ULK2: variants seen among roughly 807,000 people sequenced by gnomAD.
ULK2 encodes serine/threonine-protein kinase ULK2.
In ULK2, 76 loss-of-function variants were observed where a neutral mutation model predicts 127.5. The ratio of observed to expected loss-of-function variants is 0.60; its 90% CI spans 0.50 to 0.72. The LOEUF (loss-of-function observed/expected upper bound fraction) is 0.72. Ranked by LOEUF, ULK2 falls within the 30% of genes least tolerant of loss-of-function variation. The pLI, the probability that ULK2 is intolerant of heterozygous loss-of-function variation, is 0.00. For synonymous variants in ULK2, 452 were observed against 461.9 expected (o/e 0.98, Z 0.28); for missense variants, 1,144 against 1,295.9 (o/e 0.88, Z 1.80).
At chr17:19,783,086 G>C (rs556449900) in intron 22 of ULK2, among the ~76,000 whole-genome samples, 2 of 152,302 alleles carry the variant, frequency 1.3e-5, no homozygotes, top group South Asian at 4.1e-4. Flanking sequence ...AGTGACAGGA[G>C]AATAAGCCAA....
At chr17:19,780,002 C>T (rs963528907) in intron 25 of ULK2, among the ~76,000 whole-genome samples, 3 of 151,730 alleles carry the variant, frequency 2.0e-5, no homozygotes, top group Non-Finnish European at 4.4e-5. Context: ...GGCAAAACCC[C>T]ATCTCTACTA....
intron 13 of ULK2, among the ~76,000 whole-genome samples, chr17:19,814,240 A>G (rs1597751669): frequency 2.0e-5 from 3 of 150,552 alleles, no homozygotes; most frequent in East Asian, 1.9e-4. Flanking sequence ...TTAAATGTGG[A>G]AAAAAAAATC....
Position 19,867,585 on chromosome 17 carries a change from G to T in ULK2, c.-168C>A, listed in dbSNP as rs1222050023. On this transcript the variant is annotated 5_prime_UTR_variant, in exon 1 of 27. Coordinates refer to ENST00000395544, the MANE Select transcript of ULK2 (RefSeq NM_014683.4). The stretch of plus-strand genomic sequence containing the variant: ...TGCCGAGAGACCGGAGCGGAAACTG[G>T]GGAAGCTGCCGCGCGGAGCCAGGGT... 2 of 333,506 alleles carry T rather than the reference G, an allele frequency of 6.0e-6. No individual in the cohort carries two copies. The highest frequency in any genetic ancestry group is 5.4e-5 in the East Asian group (1 of 18,436). The allele number at this position is 333,506 out of a possible 1,614,324, so 20.7% of individuals were successfully genotyped here. A position where few individuals can be genotyped will look rare whatever the true frequency, so the allele number is the denominator to read the frequency against.
chr17:19,799,870 A>G (rs2087358602), intron 16 of ULK2, among the ~76,000 whole-genome samples: 1 of 152,204 alleles, frequency 6.6e-6, no homozygotes. Context: ...GGTAAGCACA[A>G]AGAGTTTGTA....
At chr17:19,846,933 A>C (rs748349856) in intron 5 of ULK2, 23 bp from the exon 6 acceptor site, 5 of 1,585,856 alleles carry the variant, frequency 3.2e-6, no homozygotes, top group Non-Finnish European at 4.3e-6. Flanking sequence ...GAGTCACGTA[A>C]ATATTTAAGC....
Position 19,774,717 on chromosome 17 carries a change from A to G in ULK2, c.*1632T>C, listed in dbSNP as rs573712308. ...AAGGAAGTACCTGGCTCAACAAGCC[A>G]CTTAATATGTACCCAGCTACACCCT... On this transcript the variant is annotated 3_prime_UTR_variant, in exon 27 of 27. Transcript: ENST00000395544. 5 of 152,444 alleles carry G rather than the reference A, an allele frequency of 3.3e-5. No homozygotes were observed. The highest frequency in any genetic ancestry group is 1.2e-4 in the African/African-American group (5 of 41,458). The allele number at this position is 152,444 out of a possible 1,614,324, so 9.4% of individuals were successfully genotyped here.
chr17:19,843,192 C>T lies in ULK2; in HGVS notation c.574G>A (p.Asp192Asn), dbSNP rs773348763. Reference protein sequence around the residue: ...APEVIMSQHYDAKADLWSIGT... With the variant: ...APEVIMSQHYNAKADLWSIGT... ...ATGCTCCACAAGTCAGCCTTAGCAT[C>T]ATAATGTTGAGACATAATAACCTCA... The change falls in exon 8 of 27, where the codon GAT becomes AAT. Residue 192 changes from aspartate to asparagine, a missense_variant. Physicochemically the swap from Asp to Asn is conservative, Grantham distance 23. Coordinates refer to ENST00000395544, the MANE Select transcript of ULK2 (RefSeq NM_014683.4). The T allele has an allele frequency of 6.3e-7, 1 of 1,590,554 alleles. No individual in the cohort carries two copies. The highest frequency in any genetic ancestry group is 8.5e-7 in the Non-Finnish European group (1 of 1,173,518).
chr17:19,867,204 C>T (rs965904160), intron 1 of ULK2, 124 bp downstream of exon 1: 1 of 690,082 alleles, frequency 1.4e-6, no homozygotes, highest in Non-Finnish European at 2.2e-6. Context: ...GGGCTGCGCG[C>T]ACAATAGCAT....
intron 13 of ULK2, among the ~76,000 whole-genome samples, chr17:19,810,728 C>A (rs866554747): frequency 1.3e-4 from 20 of 152,294 alleles, no homozygotes; most frequent in African/African-American, 4.8e-4. Context: ...ATTAAACATG[C>A]AAAAACTGTG....
At chr17:19,794,123 G>A (rs1271069533) in intron 20 of ULK2, among the ~76,000 whole-genome samples, 2 of 152,080 alleles carry the variant, frequency 1.3e-5, no homozygotes, top group African/African-American at 2.4e-5. Context: ...GAAAGAATCA[G>A]TGAGATTGAA....
At chr17:19,791,844 C>CAAAAAA (rs58434256) in intron 20 of ULK2, among the ~76,000 whole-genome samples, 3 of 48,244 alleles carry the variant, frequency 6.2e-5, no homozygotes, top group Admixed American at 2.8e-4. Context: ...ACCCTGTTTA[C>CAAAAAA]AAAAAAAAAA....
intron 10 of ULK2, 25 bp from the exon 11 acceptor site, chr17:19,826,211 C>T: frequency 1.4e-6 from 2 of 1,379,572 alleles, no homozygotes; most frequent in Non-Finnish European, 1.9e-6. Context: ...GAGAATGCAA[C>T]CTTTAAAGAG....
chr17:19,797,339 C>A, intron 18 of ULK2, 57 bp downstream of exon 18: 1 of 1,486,506 alleles, frequency 6.7e-7, no homozygotes, highest in Non-Finnish European at 9.0e-7. Context: ...CATAATGAAT[C>A]CTTTCCATAA....
chr17:19,781,997 G>A lies in ULK2; in HGVS notation c.2531C>T (p.Thr844Ile). 1.9e-6 allele frequency: 3 copies of A among 1,614,234 alleles called. No individual in the cohort carries two copies. The highest frequency in any genetic ancestry group is 2.2e-5 in the South Asian group (2 of 91,082). Residue 844 changes from threonine (T) to isoleucine (I), a missense_variant, in exon 23 of 27, where the codon ACA (threonine) becomes ATA (isoleucine). Around this residue, in one of 2 missense-constraint regions of ULK2, gnomAD observed 913 missense variants for 970.5 expected, o/e 0.94. Coordinates refer to ENST00000395544, the MANE Select transcript of ULK2 (RefSeq NM_014683.4). Reference protein sequence around the residue: ...LMFTECVLDLTAMRGGNPELC... With the variant: ...LMFTECVLDLIAMRGGNPELC... Reference sequence around the variant, plus strand: ...CTCAGGGTTTCCTCCCCTCATGGCTGTCAGGTCCAGCACACACTCAGTGAA... The same window carrying A: ...CTCAGGGTTTCCTCCCCTCATGGCTATCAGGTCCAGCACACACTCAGTGAA...
At position 19,796,012 on chromosome 17, in the gene ULK2, A is replaced by G. The variant is rs903126525; in HGVS notation, c.1997+83T>C. 4 of 1,517,286 alleles carry G rather than the reference A, an allele frequency of 2.6e-6. No homozygotes were observed. In the African/African-American group the frequency reaches 4.2e-5, roughly 16 times the overall value. The allele number at this position is 1,517,286 out of a possible 1,614,324, so 94.0% of individuals were successfully genotyped here. On this transcript the variant is annotated intron_variant, in intron 19 of 26. Transcript: ENST00000395544. ...CATAAATCACCCGCTACACTAATGTAGTCTTGCTGCTTTTATAACAGAAAT... is the reference window on the plus strand; with the variant it reads ...CATAAATCACCCGCTACACTAATGTGGTCTTGCTGCTTTTATAACAGAAAT...
chr17:19,848,126 A>T (rs1270290820), intron 5 of ULK2: 4 of 152,208 alleles, frequency 2.6e-5, no homozygotes, highest in Non-Finnish European at 4.4e-5. Context: ...AGATTAGCAA[A>T]AAATATTTAT....
At chr17:19,866,464 C>CGCCACGGCACTCCA (rs1013744299) in intron 1 of ULK2, among the ~76,000 whole-genome samples, 4 of 152,224 alleles carry the variant, frequency 2.6e-5, no homozygotes, top group African/African-American at 9.6e-5. Flanking sequence ...GCGGAGATCT[C>CGCCACGGCACTCCA]GCCACGGCAC....
Position 19,867,375 on chromosome 17 carries a change from C to G in ULK2, c.43G>C (p.Val15Leu), listed in dbSNP as rs1412305564. The change falls in exon 1 of 27, where the codon GTG (valine) becomes CTG (leucine). Residue 15 changes from valine (V) to leucine (L), a missense_variant. Val to Leu is a conservative substitution (Grantham distance 32). Around this residue, in one of 2 missense-constraint regions of ULK2, gnomAD observed 231 missense variants for 325.4 expected, o/e 0.71. Coordinates refer to ENST00000395544, the MANE Select transcript of ULK2 (RefSeq NM_014683.4). ...GDFEYSKRDL[V>L]GHGAFAVVFR... ...ACCACGGCGAAGGCCCCGTGTCCCA[C>G]GAGATCCCTCTTGCTGTACTCGAAG... The G allele has an allele frequency of 1.9e-6, 3 of 1,603,630 alleles. No homozygotes were observed. The highest frequency in any genetic ancestry group is 2.6e-6 in the Non-Finnish European group (3 of 1,176,156).
At chr17:19,846,696 C>CA in intron 6 of ULK2, 41 bp downstream of exon 6, 9 of 1,493,352 alleles carry the variant, frequency 6.0e-6, no homozygotes, top group Non-Finnish European at 7.1e-6. Context: ...AAAATAGTTT[C>CA]AAAAAATGTC....
Sources: gnomAD v4.1 joint callset for allele counts (sites outside exome capture counted in the v4.1 genomes callset) on GRCh38, gnomAD v4.1.1 for gene constraint, gnomAD v4.1.1 regional missense constraint, MANE v1.5 for transcripts, NCBI Gene and HGNC (gene_info 2026-07-23, HGNC 2026-07-21) for gene names.